VIPR1: variants seen among roughly 807,000 people sequenced by gnomAD.
VIPR1 encodes vasoactive intestinal polypeptide receptor 1.
Under a neutral mutation model 58.8 loss-of-function variants are expected in VIPR1, and 59 were observed. The ratio of observed to expected loss-of-function variants is 1.00; its 90% CI spans 0.81 to 1.25. VIPR1 has a LOEUF of 1.25. VIPR1 is among the 50% of genes most tolerant of loss of function. The probability of loss-of-function intolerance (pLI) is 0.00; values close to 1 mark genes in which losing one functional copy is unlikely to be tolerated. For synonymous variants in VIPR1, 251 were observed against 242.1 expected, an observed-to-expected ratio of 1.04 and a Z score of -0.34; for missense variants, 626 against 602.7, an observed-to-expected ratio of 1.04 and a Z score of -0.40.
rs1393111167 is a variant in VIPR1 at position 42,525,968 on chromosome 3, A to T, written c.374A>T (p.Asp125Val). The T allele has an allele frequency of 6.2e-7, 1 of 1,613,276 alleles. No individual in the cohort carries two copies. Residue 125 changes from aspartate to valine, a missense_variant, in exon 4 of 13, where the codon GAT (aspartate) becomes GTT (valine). By Grantham distance (152) the Asp-to-Val change is radical. Coordinates refer to ENST00000325123, the MANE Select transcript of VIPR1 (RefSeq NM_004624.4). ...PGPYPIACGL[D>V]DKAASLDEQQ... The stretch of plus-strand genomic sequence containing the variant: ...CCGTACCCCATTGCCTGTGGTTTGG[A>T]TGACAAGGCAGCGAGTTTGGATGAG...
At chr3:42,531,430 C>G (rs964188953) in intron 7 of VIPR1, 41 bp from the exon 8 acceptor site, 2 of 1,553,414 alleles carry the variant, frequency 1.3e-6, no homozygotes, top group South Asian at 2.4e-5. Flanking sequence ...CCCCTGCTTC[C>G]TGTGCCCTCT....
intron 2 of VIPR1, among the ~76,000 whole-genome samples, 167 bp from the exon 3 acceptor site, chr3:42,519,056 G>A (rs1485517986): frequency 6.6e-6 from 1 of 152,248 alleles, no homozygotes; most frequent in African/African-American, 2.4e-5. Context: ...TGTCAGGACA[G>A]CCCCGTGCAA....
Position 42,515,044 on chromosome 3 carries a change from G to T in VIPR1, c.184+1190G>T, listed in dbSNP as rs1419038595. On this transcript the variant is annotated intron_variant, in intron 2 of 12. Transcript: ENST00000325123. ...CCAGCCTGGCATGTCTGGGCTGGAGGCATGAGATGGCTGGGCCCGTTCTGG... is the reference window on the plus strand; with the variant it reads ...CCAGCCTGGCATGTCTGGGCTGGAGTCATGAGATGGCTGGGCCCGTTCTGG... Among the ~76,000 whole-genome samples the T allele has an allele frequency of 2.0e-5, 3 of 152,178 alleles. No homozygotes were observed. In the South Asian group the frequency reaches 6.2e-4, roughly 31 times the overall value.
Position 42,531,545 on chromosome 3 carries a change from C to T in VIPR1, c.851+14C>T, listed in dbSNP as rs937869002. 6.3e-7 allele frequency: 1 copy of T among 1,592,438 alleles called. No individual in the cohort carries two copies. The highest frequency in any genetic ancestry group is 8.6e-7 in the Non-Finnish European group (1 of 1,168,832). On this transcript the variant is annotated intron_variant, in intron 8 of 12. Transcript: ENST00000325123. ...TGAGGATTATGGGTGAGCTGCTGCC[C>T]CACACACTCCCCCGGCCGCCATCAC...
intron 1 of VIPR1, chr3:42,512,955 T>C: frequency 1.0e-6 from 1 of 985,490 alleles, no homozygotes; most frequent in Non-Finnish European, 1.2e-6. Flanking sequence ...ACAAGGTCAG[T>C]GACCCCAGTC....
In VIPR1 at chr3:42,491,098, G is replaced by A. The variant is rs147453609; in HGVS notation, c.-245+1420G>A. On this transcript the variant is annotated intron_variant, in intron 1 of 13. Coordinates refer to the VIPR1 transcript ENST00000433647. ...AGCAAACTTTGACAGGAGGATGCCC[G>A]TGCGCAGAACCCACAACCCAGTTTC... Among the ~76,000 whole-genome samples the A allele has an allele frequency of 1.8e-3, 269 of 152,264 alleles. 2 individuals are homozygous for A. The highest frequency in any genetic ancestry group is 0.014 in the Admixed American group (218 of 15,304).
intron 1 of VIPR1, chr3:42,512,088 AAAGGTGC>A (rs1700387178): frequency 6.6e-6 from 1 of 152,250 alleles, no homozygotes; most frequent in Admixed American, 6.5e-5. Flanking sequence ...ATTGGCTGGT[AAAGGTGC>A]AAGATGGAGC....
intron 12 of VIPR1, among the ~76,000 whole-genome samples, 157 bp downstream of exon 12, chr3:42,535,541 T>C (rs1246500421): frequency 6.6e-6 from 1 of 152,224 alleles, no homozygotes; most frequent in Non-Finnish European, 1.5e-5. Context: ...TAGGCCCTTG[T>C]TAAAAATGCG....
Position 42,525,912 on chromosome 3 carries a change from C to A in VIPR1, c.318C>A (p.Thr106=). 1.2e-6 allele frequency: 2 copies of A among 1,613,070 alleles called. No homozygotes were observed. The highest frequency in any genetic ancestry group is 1.7e-6 in the Non-Finnish European group (2 of 1,179,650). ...IQGRNVSRSC[T]DEGWTHLEPG... is the part of the protein sequence containing the mutation. The stretch of plus-strand genomic sequence containing the variant: ...GCCGCAATGTAAGCCGCAGCTGCAC[C>A]GACGAAGGCTGGACGCACCTGGAGC... The change falls in exon 4 of 13, where the codon ACC becomes ACA. Residue 106 remains threonine, a synonymous_variant. Coordinates refer to ENST00000325123, the MANE Select transcript of VIPR1 (RefSeq NM_004624.4).
intron 1 of VIPR1, 110 bp downstream of exon 1, chr3:42,502,923 G>A (rs1179928241): frequency 1.2e-6 from 1 of 843,496 alleles, no homozygotes; most frequent in African/African-American, 1.8e-5. Context: ...CTGTGTAAGA[G>A]GAATAGGGGA....
Position 42,502,776 on chromosome 3 carries a change from T to A in VIPR1, c.41T>A (p.Val14Glu). The A allele has an allele frequency of 3.9e-6, 5 of 1,290,950 alleles. No homozygotes were observed. The highest frequency in any genetic ancestry group is 4.9e-6 in the Non-Finnish European group (5 of 1,021,366). 80.0% of individuals were successfully genotyped at this position (1,290,950 alleles called of 1,614,324 possible). A position where few individuals can be genotyped will look rare whatever the true frequency, so the allele number is the denominator to read the frequency against. Residue 14 changes from valine to glutamate, a missense_variant, in exon 1 of 13, where the codon GTG becomes GAG. By Grantham distance (121) the Val-to-Glu change is moderately radical. Transcript: ENST00000325123. ...CCGCTGCCCGCCCGCTGGCTATGCG[T>A]GCTGGCAGGCGCCCTCGCCTGGGCC... ...PSPLPARWLCVLAGALAWALG... is the reference protein window; with the variant it reads ...PSPLPARWLCELAGALAWALG...
chr3:42,518,160 G>A (rs1185571792), intron 2 of VIPR1, among the ~76,000 whole-genome samples: 1 of 151,908 alleles, frequency 6.6e-6, no homozygotes, highest in Non-Finnish European at 1.5e-5. Context: ...TTACAATAAA[G>A]TACCATGTAC....
In VIPR1 at chr3:42,513,863, C is replaced by T. The variant is rs1301538073; in HGVS notation, c.184+9C>T. On this transcript the variant is annotated intron_variant, in intron 2 of 12. Transcript: ENST00000325123. ...GGAGAATGAGACAATAGGTGAGGCC[C>T]CCATGGGCAGAGAGGGGCTGCATGC... 5.2e-6 allele frequency: 8 copies of T among 1,551,208 alleles called. No individual in the cohort carries two copies. In the South Asian group the frequency reaches 5.9e-5, roughly 12 times the overall value.
intron 7 of VIPR1, 172 bp from the exon 8 acceptor site, chr3:42,531,299 G>C (rs1701533062): frequency 1.4e-6 from 1 of 693,176 alleles, no homozygotes; most frequent in South Asian, 1.8e-5. Context: ...CACCCCCTCA[G>C]TGGAGCATCC....
upstream of VIPR1, chr3:42,502,583 CG>C: frequency 1.9e-6 from 1 of 529,388 alleles, no homozygotes; most frequent in Non-Finnish European, 2.8e-6. Context: ...GACGAGCCCC[CG>C]GGGCCCGCCC....
In VIPR1 at chr3:42,535,474, C is replaced by CG. The variant is rs530074082; in HGVS notation, c.1182+93dup. 9.0e-4 allele frequency: 1,255 copies of CG among 1,392,786 alleles called. 11 individuals are homozygous for CG. In the African/African-American group the frequency reaches 0.016, roughly 18 times the overall value. 86.3% of individuals were successfully genotyped at this position (1,392,786 alleles called of 1,614,324 possible). The stretch of plus-strand genomic sequence containing the variant: ...TGGTGGGATATGTGCAGAGCAAGGA[C>CG]GGGTTAAACCTTGCTGCTCCAAGTA... On this transcript the variant is annotated intron_variant, in intron 12 of 12. Coordinates refer to ENST00000325123, the MANE Select transcript of VIPR1 (RefSeq NM_004624.4).
intron 3 of VIPR1, 144 bp downstream of exon 3, chr3:42,519,474 C>A: frequency 3.5e-6 from 2 of 577,064 alleles, no homozygotes; most frequent in Middle Eastern, 6.4e-4. Context: ...GGCAATGGTG[C>A]TGGGTCTTTA....
chr3:42,499,757 G>GC (rs932025169), upstream of VIPR1, among the ~76,000 whole-genome samples: 8 of 152,116 alleles, frequency 5.3e-5, no homozygotes, highest in East Asian at 1.9e-4. Context: ...TAGTCCGTCG[G>GC]CCCCCCCTCT....
At position 42,519,246 on chromosome 3, in the gene VIPR1, C is replaced by T. The variant is rs901188911; in HGVS notation, c.208C>T (p.Leu70Phe). Reference protein sequence around the residue: ...TIGCSKMWDNLTCWPATPRGQ... With the variant: ...TIGCSKMWDNFTCWPATPRGQ... ...AGGCTGCAGCAAGATGTGGGACAAC[C>T]TCACCTGCTGGCCAGCCACCCCTCG... Residue 70 changes from leucine (L) to phenylalanine (F), a missense_variant, in exon 3 of 13, where the codon CTC becomes TTC. Coordinates refer to ENST00000325123, the MANE Select transcript of VIPR1 (RefSeq NM_004624.4). 33 of 1,610,356 alleles carry T rather than the reference C, an allele frequency of 2.0e-5. No homozygotes were observed. The highest frequency in any genetic ancestry group is 2.6e-5 in the Non-Finnish European group (31 of 1,178,440).
Sources: allele counts gnomAD v4.1 joint callset (sites outside exome capture counted in the v4.1 genomes callset), GRCh38; gene constraint gnomAD v4.1.1; transcripts MANE v1.5; gene names NCBI Gene and HGNC (gene_info 2026-07-23, HGNC 2026-07-21).